Variants in GALNT13 observed in about 807,000 individuals in gnomAD.
GALNT13 encodes UDP-GalNAc:polypeptide N-acetylgalactosaminyltransferase 13.
GALNT13 carries 28 observed loss-of-function variants against 64.2 expected under a neutral mutation model. The ratio of observed to expected loss-of-function variants is 0.44; its 90% CI spans 0.32 to 0.60. GALNT13 has a LOEUF of 0.60. GALNT13 is among the 20% of genes least tolerant of loss of function. The pLI is 0.05. For missense variants in GALNT13, 577 were observed against 669.8 expected (o/e 0.86, Z 1.53); for synonymous variants, 214 against 224.6 (o/e 0.95, Z 0.42).
chr2:153,518,925 T>C, the GALNT13 span, among the ~76,000 whole-genome samples: 1 of 152,146 alleles, frequency 6.6e-6, no homozygotes, highest in African/African-American at 2.4e-5. Flanking sequence ...GATTTCTGAC[T>C]TGGGCACAAA....
At chr2:153,326,446 C>T in the GALNT13 span, among the ~76,000 whole-genome samples, 1 of 152,018 alleles carries the variant, frequency 6.6e-6, no homozygotes, top group African/African-American at 2.4e-5. Context: ...TCCAATTTGC[C>T]AGTCTATGTC....
chr2:153,167,319 G>C, the GALNT13 span, among the ~76,000 whole-genome samples: 1 of 152,226 alleles, frequency 6.6e-6, no homozygotes. Flanking sequence ...AATCTGGACA[G>C]AGGCAGAAAC....
At chr2:153,499,149 C>T in the GALNT13 span, among the ~76,000 whole-genome samples, 1 of 152,176 alleles carries the variant, frequency 6.6e-6, no homozygotes, top group South Asian at 2.1e-4. Context: ...TTGTGCCTGG[C>T]CAGGTCCTGG....
chr2:153,939,010 T>A (rs1691148264), intron 2 of GALNT13, among the ~76,000 whole-genome samples: 1 of 152,170 alleles, frequency 6.6e-6, no homozygotes, highest in African/African-American at 2.4e-5. Context: ...AGCGTAATCC[T>A]GTTCTCATAT....
intron 3 of GALNT13, among the ~76,000 whole-genome samples, chr2:154,079,849 A>G (rs1455275168): frequency 4.0e-5 from 6 of 151,776 alleles, no homozygotes; most frequent in African/African-American, 1.4e-4. Context: ...ATAGAAAATT[A>G]AAGCAAAGTA....
At chr2:153,548,898 A>T in the GALNT13 span, among the ~76,000 whole-genome samples, 1 of 152,228 alleles carries the variant, frequency 6.6e-6, no homozygotes, top group African/African-American at 2.4e-5. Flanking sequence ...GCAGATTAAA[A>T]ATTTGGTGTA....
At chr2:153,900,706 C>T (rs934108039) in intron 1 of GALNT13, among the ~76,000 whole-genome samples, 1 of 152,096 alleles carries the variant, frequency 6.6e-6, no homozygotes. Context: ...ACTTCTCTTA[C>T]CTCTTTCTTC....
chr2:154,245,931 T>C lies in GALNT13; in HGVS notation c.806T>C (p.Val269Ala). 6.2e-7 allele frequency: 1 copy of C among 1,613,434 alleles called. No individual in the cohort carries two copies. The highest frequency in any genetic ancestry group is 1.3e-5 in the African/African-American group (1 of 75,030). ...AAACTGAATTTCCGCTGGTATCCTG[T>C]TCCCCAAAGAGAAATGGACAGGAGG... ...NWKLNFRWYP[V>A]PQREMDRRKG... The change falls in exon 7 of 13, where the codon GTT becomes GCT. Residue 269 changes from valine to alanine, a missense_variant. This residue lies in a region of GALNT13 where 341 missense variants were observed against 379.3 expected (regional missense o/e 0.90). Coordinates refer to ENST00000392825, the MANE Select transcript of GALNT13 (RefSeq NM_052917.4).
chr2:153,624,643 C>T, the GALNT13 span, among the ~76,000 whole-genome samples: 6 of 152,122 alleles, frequency 3.9e-5, no homozygotes, highest in South Asian at 2.1e-4. Context: ...GTAAGAGAAA[C>T]TTTTGAGACA....
At chr2:153,882,478 G>T (rs1686850878) in intron 1 of GALNT13, among the ~76,000 whole-genome samples, 2 of 151,922 alleles carry the variant, frequency 1.3e-5, no homozygotes, top group South Asian at 2.1e-4. Context: ...ACTAAGGATG[G>T]GTCTTAGAAA....
the GALNT13 span, among the ~76,000 whole-genome samples, chr2:153,404,966 G>A: frequency 6.6e-6 from 1 of 152,164 alleles, no homozygotes; most frequent in East Asian, 1.9e-4. Context: ...GGCTCTGGGT[G>A]GGACAGGTGT....
At chr2:153,071,641 A>C in the GALNT13 span, among the ~76,000 whole-genome samples, 1 of 152,214 alleles carries the variant, frequency 6.6e-6, no homozygotes, top group Admixed American at 6.5e-5. Flanking sequence ...ACCGACAGAA[A>C]TTGGCTAATG....
chr2:153,719,931 G>A, the GALNT13 span, among the ~76,000 whole-genome samples: 141 of 152,190 alleles, frequency 9.3e-4, no homozygotes, highest in African/African-American at 2.1e-3. Flanking sequence ...CAAAGCAGCC[G>A]GGAAGCTCAA....
the GALNT13 span, among the ~76,000 whole-genome samples, chr2:153,266,720 G>A: frequency 3.3e-5 from 5 of 152,212 alleles, no homozygotes; most frequent in South Asian, 2.1e-4. Context: ...CCCTTGACAC[G>A]TGGGGATTAT....
chr2:154,360,107 C>A (rs1393982232), intron 9 of GALNT13, among the ~76,000 whole-genome samples: 2 of 152,074 alleles, frequency 1.3e-5, no homozygotes, highest in Non-Finnish European at 2.9e-5. Flanking sequence ...TAATCATGTT[C>A]TTTCGAGTTA....
chr2:153,518,648 A>C, the GALNT13 span, among the ~76,000 whole-genome samples: 1 of 152,124 alleles, frequency 6.6e-6, no homozygotes, highest in Non-Finnish European at 1.5e-5. Context: ...TATTATTTTA[A>C]ATTATAAAAT....
At chr2:153,192,569 G>A in the GALNT13 span, among the ~76,000 whole-genome samples, 2 of 152,088 alleles carry the variant, frequency 1.3e-5, no homozygotes, top group African/African-American at 4.8e-5. Context: ...CTGTCTAGAT[G>A]ATCTGTCTGT....
intron 11 of GALNT13, among the ~76,000 whole-genome samples, chr2:154,417,280 AC>A (rs1700052332): frequency 2.4e-5 from 3 of 126,546 alleles, no homozygotes; most frequent in African/African-American, 2.9e-5. Context: ...ACAAACAAGC[AC>A]CAAAAAAAAA....
chr2:153,166,736 C>G, the GALNT13 span, among the ~76,000 whole-genome samples: 1 of 150,838 alleles, frequency 6.6e-6, no homozygotes, highest in East Asian at 2.0e-4. Flanking sequence ...TCAAGGACAC[C>G]TGCTCTTGGG....
Sources: gnomAD v4.1 joint callset for allele counts (sites outside exome capture counted in the v4.1 genomes callset) on GRCh38, gnomAD v4.1.1 for gene constraint, gnomAD v4.1.1 regional missense constraint, MANE v1.5 for transcripts, NCBI Gene and HGNC (gene_info 2026-07-23, HGNC 2026-07-21) for gene names.